ZKSCAN7: variants seen among roughly 807,000 people sequenced by gnomAD.
ZKSCAN7 encodes zinc finger protein with KRAB and SCAN domains 7.
Under a neutral mutation model 65.3 loss-of-function variants are expected in ZKSCAN7, and 38 were observed. The observed-to-expected ratio is 0.58, with a 90% CI of 0.45 to 0.76. The LOEUF is 0.76. ZKSCAN7 is among the 30% of genes least tolerant of loss of function. The pLI, the probability that ZKSCAN7 is intolerant of heterozygous loss-of-function variation, is 0.00. For missense variants in ZKSCAN7, 815 were observed against 913.3 expected (o/e 0.89, Z 1.39); for synonymous variants, 321 against 321.0 (o/e 1.00, Z 0.00).
intron 2 of ZKSCAN7, among the ~76,000 whole-genome samples, chr3:44,562,783 C>T (rs1330674867): frequency 6.6e-6 from 1 of 151,814 alleles, no homozygotes; most frequent in East Asian, 1.9e-4. Flanking sequence ...GAGATCGAGA[C>T]CACGGTGAAA....
Position 44,571,095 on chromosome 3 carries a change from C to T in ZKSCAN7, c.1985C>T (p.Pro662Leu). ...CAGAGAATTCACACTGGTGAGAAAC[C>T]CTATGAATGTAATGAGTGTGGGAAG... ...IHQRIHTGEK[P>L]YECNECGKVF... Residue 662 changes from proline to leucine, a missense_variant, in exon 6 of 6, where the codon CCC becomes CTC. By Grantham distance (98) the Pro-to-Leu change is moderately conservative. Coordinates refer to ENST00000426540, the MANE Select transcript of ZKSCAN7 (RefSeq NM_001288590.2). 1 of 1,614,074 alleles carries T rather than the reference C, an allele frequency of 6.2e-7. No individual in the cohort carries two copies. The highest frequency in any genetic ancestry group is 8.5e-7 in the Non-Finnish European group (1 of 1,180,016).
intron 5 of ZKSCAN7, chr3:44,578,269 G>A (rs1002787110): frequency 1.9e-6 from 3 of 1,570,456 alleles, no homozygotes; most frequent in Non-Finnish European, 2.6e-6. Context: ...CATCCTTGAG[G>A]GAGCTAATCT....
intron 2 of ZKSCAN7, 90 bp downstream of exon 2, chr3:44,557,560 G>A: frequency 1.3e-6 from 2 of 1,568,746 alleles, no homozygotes; most frequent in Non-Finnish European, 1.7e-6. Context: ...CCAGGCCCTA[G>A]GCCAGTTTGC....
At chr3:44,582,356 G>A (rs1352466691) in intron 5 of ZKSCAN7, among the ~76,000 whole-genome samples, 1 of 152,140 alleles carries the variant, frequency 6.6e-6, no homozygotes, top group Admixed American at 6.5e-5. Flanking sequence ...CCACCTTTCT[G>A]GCCTGTGGGT....
chr3:44,578,792 C>A (rs1273005288), intron 5 of ZKSCAN7, among the ~76,000 whole-genome samples: 1 of 152,338 alleles, frequency 6.6e-6, no homozygotes, highest in South Asian at 2.1e-4. Context: ...CTCTAGCTCC[C>A]GCTGGTGCTG....
chr3:44,557,416 G>A lies in ZKSCAN7; in HGVS notation c.369G>A (p.Glu123=), dbSNP rs1189742527. The stretch of plus-strand genomic sequence containing the variant: ...AGCTGCATCACCCTGAGAGTGGTGA[G>A]GAGGCTGTGGCTGTGGTGGAGGATT... ...WVQLHHPESG[E]EAVAVVEDFQ... Residue 123 remains glutamate, a synonymous_variant, in exon 2 of 6, where the codon GAG becomes GAA. Transcript: ENST00000426540. The A allele has an allele frequency of 6.2e-7, 1 of 1,614,122 alleles. No homozygotes were observed. Among genetic ancestry groups the A allele is most frequent in the African/African-American group, 1.3e-5 (1 of 74,946 alleles).
In ZKSCAN7 at chr3:44,579,981, G is replaced by C. The variant is rs188218761; in HGVS notation, c.812-2991G>C. 3.2e-5 allele frequency: 50 copies of C among 1,585,592 alleles called. No individual in the cohort carries two copies. The South Asian group carries it at 5.3e-4, about 17-fold the overall frequency. On this transcript the variant is annotated intron_variant, in intron 5 of 5. Coordinates refer to the ZKSCAN7 transcript ENST00000341840. ...GGCGTCTGGGAGAGGAGCTTGGGGG[G>C]GGGCTTCATTGGTGAAGTCCTGCTT...
chr3:44,561,671 A>G (rs893984438), intron 2 of ZKSCAN7, among the ~76,000 whole-genome samples: 1 of 152,194 alleles, frequency 6.6e-6, no homozygotes, highest in African/African-American at 2.4e-5. Flanking sequence ...CCCATTCCAA[A>G]TGGGAGAAAT....
rs528718096 is a variant in ZKSCAN7 at position 44,579,313 on chromosome 3, AGGGCGCAGGGGCTCGTG to A, written c.812-3656_812-3640del. Among the ~76,000 whole-genome samples, 931 of 152,264 alleles carry A rather than the reference AGGGCGCAGGGGCTCGTG, an allele frequency of 6.1e-3. 6 individuals are homozygous for A. Among genetic ancestry groups the A allele is most frequent in the Non-Finnish European group, 0.011 (715 of 68,010 alleles). On this transcript the variant is annotated intron_variant, in intron 5 of 5. Transcript: ENST00000341840. Reference sequence around the variant, plus strand: ...GCTCCAGCTCCCCAGGCTCCGCCTCAGGGCGCAGGGGCTCGTGGGTGTCAGCAGGCCCCACACCGCCC... The same window carrying A: ...GCTCCAGCTCCCCAGGCTCCGCCTCAGGTGTCAGCAGGCCCCACACCGCCC...
chr3:44,578,192 G>A, intron 5 of ZKSCAN7: 1 of 1,522,778 alleles, frequency 6.6e-7, no homozygotes, highest in Non-Finnish European at 9.1e-7. Context: ...TTGCGATGCT[G>A]AGCTCTGTGT....
At position 44,567,995 on chromosome 3, in the gene ZKSCAN7, A is replaced by G; in HGVS notation, c.676A>G (p.Arg226Gly). Residue 226 changes from arginine (R) to glycine (G), a missense_variant, in exon 4 of 6, where the codon AGG (arginine) becomes GGG (glycine). By Grantham distance (125) the Arg-to-Gly change is moderately radical (BLOSUM62 -2). Around this residue, in one of 3 missense-constraint regions of ZKSCAN7, gnomAD observed 10 missense variants for 30.5 expected, o/e 0.33. Coordinates refer to ENST00000426540, the MANE Select transcript of ZKSCAN7 (RefSeq NM_001288590.2). ...AGGGGCAACTGTACTTCGGATGGTCAGGCCCCAGGTGAGCTTGGTTCTTTG... is the reference window on the plus strand; with the variant it reads ...AGGGGCAACTGTACTTCGGATGGTCGGGCCCCAGGTGAGCTTGGTTCTTTG... ...QAGATVLRMVRPQDTVAYEDL... is the reference protein window; with the variant it reads ...QAGATVLRMVGPQDTVAYEDL... 2 of 1,441,442 alleles carry G rather than the reference A, an allele frequency of 1.4e-6. No homozygotes were observed. Among genetic ancestry groups the G allele is most frequent in the Non-Finnish European group, 1.9e-6 (2 of 1,058,800 alleles). 89.3% of individuals were successfully genotyped at this position (1,441,442 alleles called of 1,614,324 possible).
intron 5 of ZKSCAN7, 151 bp downstream of exon 5, chr3:44,568,584 T>A: frequency 8.7e-7 from 1 of 1,147,404 alleles, no homozygotes; most frequent in Non-Finnish European, 1.2e-6. Flanking sequence ...CATTCATCAC[T>A]GAGATTCAAC....
chr3:44,570,531 A>C lies in ZKSCAN7; in HGVS notation c.1421A>C (p.Lys474Thr). The C allele has an allele frequency of 6.2e-7, 1 of 1,612,492 alleles. No homozygotes were observed. The highest frequency in any genetic ancestry group is 8.5e-7 in the Non-Finnish European group (1 of 1,178,608). Residue 474 changes from lysine to threonine, a missense_variant, in exon 6 of 6, where the codon AAA becomes ACA. Lys to Thr is a moderately conservative substitution (Grantham distance 78). This residue lies in a region of ZKSCAN7 where 578 missense variants were observed against 629.5 expected (regional missense o/e 0.92). Transcript: ENST00000426540. The part of the protein sequence containing the change: ...EKPYKCNECA[K>T]AFTQSSRLTD... ...CCCTATAAATGTAATGAATGTGCAA[A>C]AGCCTTTACTCAGAGTTCCCGACTC...
chr3:44,555,546 A>G (rs1042632836), intron 1 of ZKSCAN7, 65 bp downstream of exon 1: 3 of 152,284 alleles, frequency 2.0e-5, no homozygotes, highest in Admixed American at 6.5e-5. Context: ...CAGCTCTTGC[A>G]GTAGGAAACT....
At chr3:44,564,784 TTTTG>T (rs761390019) in intron 2 of ZKSCAN7, among the ~76,000 whole-genome samples, 2 of 152,150 alleles carry the variant, frequency 1.3e-5, no homozygotes, top group African/African-American at 2.4e-5. Flanking sequence ...GTACTTCTTT[TTTTG>T]TTTGTTTGGT....
intron 5 of ZKSCAN7, among the ~76,000 whole-genome samples, chr3:44,579,479 G>A (rs140588913): frequency 7.3e-4 from 111 of 152,322 alleles, no homozygotes; most frequent in Admixed American, 1.9e-3. Flanking sequence ...CGGCTCCCCC[G>A]GCTCTGCCTC....
chr3:44,581,301 C>T (rs1474598899), intron 5 of ZKSCAN7, among the ~76,000 whole-genome samples: 3 of 150,362 alleles, frequency 2.0e-5, no homozygotes. Context: ...CGCTGCGGCC[C>T]GCCTCTCAAG....
chr3:44,568,141 A>G, intron 4 of ZKSCAN7, 138 bp downstream of exon 4: 1 of 1,540,674 alleles, frequency 6.5e-7, no homozygotes. Flanking sequence ...CCTGGAGGTA[A>G]TGGACTCTAT....
At chr3:44,568,967 A>G (rs1183481103) in intron 5 of ZKSCAN7, among the ~76,000 whole-genome samples, 1 of 152,018 alleles carries the variant, frequency 6.6e-6, no homozygotes, top group African/African-American at 2.4e-5. Context: ...GTTCTTTTAC[A>G]CTTGTTGCTT....
Sources: gnomAD v4.1 joint callset for allele counts (sites outside exome capture counted in the v4.1 genomes callset) on GRCh38, gnomAD v4.1.1 for gene constraint, gnomAD v4.1.1 regional missense constraint, MANE v1.5 for transcripts, NCBI Gene and HGNC (gene_info 2026-07-23, HGNC 2026-07-21) for gene names.